Variants in RBFOX1 observed in about 807,000 individuals in gnomAD.
RBFOX1 encodes the protein RNA binding fox-1 homolog 1, also known as RNA binding protein fox-1 homolog 1.
Under a neutral mutation model 57.7 loss-of-function variants are expected in RBFOX1, and 8 were observed. That is an observed-to-expected ratio of 0.14 (90% confidence interval 0.08 to 0.25). RBFOX1 has a LOEUF of 0.25. Among genes scored for constraint, RBFOX1 ranks in the 10% least tolerant of loss-of-function variants. The pLI, the probability that RBFOX1 is intolerant of heterozygous loss-of-function variation, is 1.00. For missense variants in RBFOX1, 611 were observed against 548.5 expected (o/e 1.11, Z -1.14); for synonymous variants, 326 against 222.4 (o/e 1.47, Z -4.15).
chr16:5,843,167 A>C (rs892541178), intron 3 of RBFOX1, among the ~76,000 whole-genome samples: 14 of 152,286 alleles, frequency 9.2e-5, no homozygotes, highest in Middle Eastern at 3.4e-3. Context: ...GTTCAGGGGT[A>C]CATGTGCAGG....
intron 2 of RBFOX1, among the ~76,000 whole-genome samples, chr16:6,602,315 T>G (rs2097862924): frequency 6.6e-6 from 1 of 152,210 alleles, no homozygotes; most frequent in Non-Finnish European, 1.5e-5. Flanking sequence ...CTAAAGTTTT[T>G]AATTCTGAAA....
chr16:5,753,242 C>G (rs552387541), intron 3 of RBFOX1, among the ~76,000 whole-genome samples: 2 of 151,914 alleles, frequency 1.3e-5, no homozygotes, highest in African/African-American at 2.4e-5. Context: ...TAGCTAAGTC[C>G]TCATAATGCA....
intron 3 of RBFOX1, among the ~76,000 whole-genome samples, chr16:5,749,637 C>G (rs1019963233): frequency 6.6e-5 from 10 of 152,216 alleles, no homozygotes; most frequent in African/African-American, 1.7e-4. Flanking sequence ...CACTGATACC[C>G]TTTCTTCCAG....
At chr16:5,396,009 T>C (rs1386379592) in intron 1 of RBFOX1, among the ~76,000 whole-genome samples, 1 of 152,204 alleles carries the variant, frequency 6.6e-6, no homozygotes, top group Non-Finnish European at 1.5e-5. Flanking sequence ...CTGAATTGTG[T>C]AGCCTGGTTA....
intron 2 of RBFOX1, among the ~76,000 whole-genome samples, chr16:6,616,268 C>G (rs956319406): frequency 6.6e-6 from 1 of 152,156 alleles, no homozygotes. Context: ...ATTATATTAA[C>G]TTATTTTTAA....
intron 4 of RBFOX1, among the ~76,000 whole-genome samples, chr16:6,000,951 G>C (rs2060589073): frequency 6.6e-6 from 1 of 151,386 alleles, no homozygotes; most frequent in Non-Finnish European, 1.5e-5. Context: ...ATGGGTAGAT[G>C]AATGAGTGGG....
At chr16:5,384,871 G>C (rs939651160) in intron 1 of RBFOX1, among the ~76,000 whole-genome samples, 3 of 152,258 alleles carry the variant, frequency 2.0e-5, no homozygotes, top group South Asian at 4.1e-4. Context: ...TACCTCATCA[G>C]GTGGTCGTGA....
intron 4 of RBFOX1, among the ~76,000 whole-genome samples, chr16:7,375,015 C>T (rs985529945): frequency 5.3e-5 from 8 of 152,164 alleles, no homozygotes; most frequent in African/African-American, 1.2e-4. Flanking sequence ...AGATATTCTC[C>T]GTTTATGCCC....
chr16:5,274,076 T>G (rs1036217376), intron 1 of RBFOX1, among the ~76,000 whole-genome samples: 3 of 152,226 alleles, frequency 2.0e-5, no homozygotes, highest in African/African-American at 7.2e-5. Context: ...GTTTTCGCTC[T>G]TAAACCTGGT....
intron 2 of RBFOX1, among the ~76,000 whole-genome samples, chr16:5,481,552 G>C (rs4516232): frequency 0.86 from 131,327 of 152,234 alleles, 57,039 homozygotes; most frequent in East Asian, 0.97. Flanking sequence ...TTGTTGTTTT[G>C]TTTCATCTCT....
chr16:6,769,349 C>T (rs1344424242), intron 3 of RBFOX1, among the ~76,000 whole-genome samples: 4 of 152,176 alleles, frequency 2.6e-5, no homozygotes, highest in Non-Finnish European at 5.9e-5. Context: ...AGGTCTTTCT[C>T]CCGTAAGTTG....
chr16:7,684,448 C>A (rs965528741), intron 14 of RBFOX1, among the ~76,000 whole-genome samples: 5 of 151,956 alleles, frequency 3.3e-5, no homozygotes, highest in African/African-American at 9.7e-5. Context: ...TGATGTGTGA[C>A]TGTTCAAATA....
At chr16:7,060,524 C>G (rs1598407820) in intron 4 of RBFOX1, among the ~76,000 whole-genome samples, 1 of 152,146 alleles carries the variant, frequency 6.6e-6, no homozygotes, top group East Asian at 1.9e-4. Flanking sequence ...TACCTTCTGC[C>G]ATTCTCAAAT....
At chr16:7,693,717 G>A (rs529114520) in intron 14 of RBFOX1, among the ~76,000 whole-genome samples, 1 of 152,242 alleles carries the variant, frequency 6.6e-6, no homozygotes, top group South Asian at 2.1e-4. Context: ...TGACTTCCAT[G>A]TTTTTTGACG....
intron 1 of RBFOX1, among the ~76,000 whole-genome samples, chr16:6,147,851 A>T (rs2096770379): frequency 6.6e-6 from 1 of 152,172 alleles, no homozygotes. Context: ...AACAAATTGT[A>T]TGTTTCTACC....
At position 5,914,274 on chromosome 16, in the gene RBFOX1, TTAAAA is replaced by T. The variant is rs575699157; in HGVS notation, c.351+46943_351+46947del. Among the ~76,000 whole-genome samples the T allele has an allele frequency of 7.2e-5, 11 of 152,358 alleles. No homozygotes were observed. The East Asian group carries it at 1.9e-3, about 27-fold the overall frequency. Reference sequence around the variant, plus strand: ...ACAAATTATCACAAAACTTGGCAACTTAAAATAAGAAATTTTTATTATCCCCAATT... The same window carrying T: ...ACAAATTATCACAAAACTTGGCAACTTAAGAAATTTTTATTATCCCCAATT... On this transcript the variant is annotated intron_variant, in intron 4 of 19. Coordinates refer to the RBFOX1 transcript ENST00000641259.
At chr16:6,656,599 G>GACACACACACACACACACACAC (rs60723864) in intron 3 of RBFOX1, among the ~76,000 whole-genome samples, 4 of 146,312 alleles carry the variant, frequency 2.7e-5, no homozygotes, top group African/African-American at 7.6e-5. Context: ...GGGGAAAATA[G>GACACACACACACACACACACAC]ACACACACAC....
At chr16:7,016,622 A>C (rs1019878295) in intron 3 of RBFOX1, among the ~76,000 whole-genome samples, 7 of 152,194 alleles carry the variant, frequency 4.6e-5, no homozygotes, top group African/African-American at 1.7e-4. Context: ...CACTTGGTGG[A>C]TGTGGAAACA....
intron 3 of RBFOX1, among the ~76,000 whole-genome samples, chr16:5,787,857 G>T (rs760439243): frequency 3.3e-5 from 5 of 152,194 alleles, no homozygotes; most frequent in African/African-American, 9.7e-5. Flanking sequence ...AGAATGCATT[G>T]CAATTGCAGT....
Sources: allele counts gnomAD v4.1 joint callset (sites outside exome capture counted in the v4.1 genomes callset), GRCh38; gene constraint gnomAD v4.1.1; transcripts MANE v1.5; gene names NCBI Gene and HGNC (gene_info 2026-07-23, HGNC 2026-07-21).